The following LEKR1 variants were observed in gnomAD, a reference collection of about 807,000 sequenced individuals.
LEKR1 encodes the protein leucine, glutamate and lysine rich 1.
Under a neutral mutation model 72.4 loss-of-function variants are expected in LEKR1, and 59 were observed. The observed-to-expected ratio is 0.82, with a 90% CI of 0.66 to 1.01. LEKR1 has a LOEUF of 1.01. Ranked by LOEUF, LEKR1 falls within the 50% of genes least tolerant of loss-of-function variation. The pLI, the probability that LEKR1 is intolerant of heterozygous loss-of-function variation, is 0.00. For missense variants in LEKR1, 728 were observed against 759.2 expected (o/e 0.96, Z 0.48); for synonymous variants, 257 against 263.2 (o/e 0.98, Z 0.23).
Position 156,985,842 on chromosome 3 carries a change from C to CA in LEKR1, c.827+6586dup, listed in dbSNP as rs34169262. On this transcript the variant is annotated intron_variant, in intron 7 of 12. Coordinates refer to ENST00000356539, the MANE Select transcript of LEKR1 (RefSeq NM_001004316.3). ...TGGGCAGCAAAGCGAGACTCTGTGT[C>CA]AAAAAAAAAAAAAAAAAAAGAATTT... 8.6e-3 allele frequency among the ~76,000 whole-genome samples: 1,032 copies of CA among 119,456 alleles called. 6 individuals carry two copies. The highest frequency in any genetic ancestry group is 0.033 in the Middle Eastern group (8 of 246). The allele number at this position is 119,456 out of a possible 152,430, so 78.4% of individuals were successfully genotyped here.
chr3:156,877,379 T>G (rs1718730143), intron 3 of LEKR1, among the ~76,000 whole-genome samples: 1 of 152,156 alleles, frequency 6.6e-6, no homozygotes, highest in Admixed American at 6.6e-5. Context: ...TTTGGAATAG[T>G]CTTAGTAAGA....
At chr3:156,829,557 G>T (rs1166199714) in intron 2 of LEKR1, among the ~76,000 whole-genome samples, 180 bp downstream of exon 2, 1 of 152,218 alleles carries the variant, frequency 6.6e-6, no homozygotes, top group African/African-American at 2.4e-5. Context: ...TCAGTATGAA[G>T]AATTTTGCTG....
intron 3 of LEKR1, among the ~76,000 whole-genome samples, chr3:156,876,828 G>A (rs987496348): frequency 6.6e-6 from 1 of 152,074 alleles, no homozygotes; most frequent in African/African-American, 2.4e-5. Context: ...TCCCTTGTCT[G>A]ACTGCACTGG....
At chr3:156,982,628 G>A (rs763198740) in intron 7 of LEKR1, among the ~76,000 whole-genome samples, 18 of 152,222 alleles carry the variant, frequency 1.2e-4, no homozygotes, top group East Asian at 3.9e-4. Flanking sequence ...AACCAGTAGC[G>A]TTTGCTAAAG....
intron 12 of LEKR1, among the ~76,000 whole-genome samples, chr3:157,042,947 G>T (rs1188737475): frequency 6.6e-6 from 1 of 152,198 alleles, no homozygotes; most frequent in East Asian, 1.9e-4. Flanking sequence ...AATCCCCAGT[G>T]TTGGAGGTGG....
intron 6 of LEKR1, among the ~76,000 whole-genome samples, chr3:156,970,576 T>C (rs1380020097): frequency 3.3e-5 from 5 of 152,210 alleles, no homozygotes; most frequent in African/African-American, 4.8e-5. Flanking sequence ...GATGACATGA[T>C]TGTGTATCTA....
chr3:157,001,675 A>C (rs544724031), intron 9 of LEKR1, among the ~76,000 whole-genome samples: 1 of 152,230 alleles, frequency 6.6e-6, no homozygotes, highest in Admixed American at 6.5e-5. Flanking sequence ...GTCAATAGCC[A>C]CACCTCCATC....
chr3:156,883,250 T>G (rs1157539546), intron 3 of LEKR1, among the ~76,000 whole-genome samples: 1 of 152,226 alleles, frequency 6.6e-6, no homozygotes, highest in Non-Finnish European at 1.5e-5. Flanking sequence ...TTGGCCCATT[T>G]TCCCCATTTG....
chr3:156,896,434 G>A (rs572479984), intron 3 of LEKR1, among the ~76,000 whole-genome samples: 1 of 152,202 alleles, frequency 6.6e-6, no homozygotes, highest in African/African-American at 2.4e-5. Flanking sequence ...TACACATGTG[G>A]CCAAAAAGCA....
intron 9 of LEKR1, among the ~76,000 whole-genome samples, chr3:157,003,396 G>C (rs1732165996): frequency 6.6e-6 from 1 of 152,114 alleles, no homozygotes. Flanking sequence ...CAAATTTAGT[G>C]GCTTAAAATA....
chr3:156,953,312 T>C (rs554941790), intron 6 of LEKR1, among the ~76,000 whole-genome samples: 1 of 151,724 alleles, frequency 6.6e-6, no homozygotes, highest in South Asian at 2.1e-4. Flanking sequence ...TTGTTACAAT[T>C]AATGAATGAA....
At chr3:156,980,626 G>C (rs1438258210) in intron 7 of LEKR1, among the ~76,000 whole-genome samples, 1 of 152,154 alleles carries the variant, frequency 6.6e-6, no homozygotes, top group Non-Finnish European at 1.5e-5. Flanking sequence ...GTTTGGCCAT[G>C]TGGATATCTC....
At chr3:156,940,507 A>G (rs775149947) in intron 5 of LEKR1, among the ~76,000 whole-genome samples, 104 of 152,186 alleles carry the variant, frequency 6.8e-4, no homozygotes, top group Non-Finnish European at 6.5e-4. Flanking sequence ...CTGAACCCCA[A>G]ATCGGGACAC....
intron 6 of LEKR1, chr3:156,977,669 T>C: frequency 8.0e-6 from 2 of 250,442 alleles, no homozygotes; most frequent in South Asian, 1.3e-4. Flanking sequence ...CCTACAAATG[T>C]ACATGGGATG....
intron 6 of LEKR1, among the ~76,000 whole-genome samples, chr3:156,967,259 C>T (rs1196817296): frequency 2.7e-4 from 41 of 152,102 alleles, no homozygotes; most frequent in South Asian, 1.7e-3. Context: ...TCACCAGCAA[C>T]GGAACAAAGC....
chr3:157,004,843 T>C (rs1732288465), intron 9 of LEKR1, among the ~76,000 whole-genome samples: 1 of 151,908 alleles, frequency 6.6e-6, no homozygotes, highest in Non-Finnish European at 1.5e-5. Context: ...CAAATGTCTA[T>C]GTGAAAAAAG....
chr3:157,010,952 T>A (rs951349499), intron 9 of LEKR1, among the ~76,000 whole-genome samples: 3 of 152,136 alleles, frequency 2.0e-5, no homozygotes, highest in Admixed American at 6.6e-5. Flanking sequence ...AAAAGAAAAT[T>A]TCACAGGAAC....
intron 5 of LEKR1, among the ~76,000 whole-genome samples, chr3:156,931,082 C>T (rs922360290): frequency 2.0e-5 from 3 of 152,038 alleles, no homozygotes; most frequent in Admixed American, 6.6e-5. Flanking sequence ...AGAATTAAAA[C>T]ATCTGTTCAT....
At chr3:157,023,808 T>G (rs1363431796) in intron 10 of LEKR1, among the ~76,000 whole-genome samples, 1 of 152,190 alleles carries the variant, frequency 6.6e-6, no homozygotes, top group African/African-American at 2.4e-5. Context: ...ATTAGGAGAT[T>G]TCTAAGGTCC....
Sources: gnomAD v4.1 joint callset for allele counts (sites outside exome capture counted in the v4.1 genomes callset) on GRCh38, gnomAD v4.1.1 for gene constraint, MANE v1.5 for transcripts, NCBI Gene and HGNC (gene_info 2026-07-23, HGNC 2026-07-21) for gene names.